The following GPR26 variants were observed in gnomAD, a reference collection of about 807,000 sequenced individuals.
GPR26 encodes the protein G protein-coupled receptor 26.
Under a neutral mutation model 23.1 loss-of-function variants are expected in GPR26, and 15 were observed. The ratio of observed to expected loss-of-function variants is 0.65; its 90% CI spans 0.43 to 1.00. The LOEUF (loss-of-function observed/expected upper bound fraction) is 1.00. Among genes scored for constraint, GPR26 ranks in the 50% least tolerant of loss-of-function variants. The probability of loss-of-function intolerance (pLI) is 0.00; values close to 1 mark genes in which losing one functional copy is unlikely to be tolerated. For missense variants in GPR26, 359 were observed against 470.5 expected (o/e 0.76, Z 2.19); for synonymous variants, 228 against 222.1 (o/e 1.03, Z -0.24).
At chr10:123,679,498 G>T (rs1845345028) in intron 2 of GPR26, among the ~76,000 whole-genome samples, 1 of 152,188 alleles carries the variant, frequency 6.6e-6, no homozygotes, top group Non-Finnish European at 1.5e-5. Flanking sequence ...CCTTGGTGTG[G>T]GGCTGGGCAT....
chr10:123,689,931 C>G lies in GPR26; in HGVS notation c.*1771C>G, dbSNP rs1302592004. On this transcript the variant is annotated 3_prime_UTR_variant, in exon 3 of 3. Coordinates refer to ENST00000284674, the MANE Select transcript of GPR26 (RefSeq NM_153442.4). ...CTTGGGGAAGCCAATGGGGCACAAT[C>G]CTTCCCAATTTCATGATCTGGGGCA... The G allele has an allele frequency of 1.1e-4, 17 of 152,112 alleles. No individual in the cohort carries two copies. The highest frequency in any genetic ancestry group is 2.2e-4 in the Non-Finnish European group (15 of 68,040). 9.4% of individuals were successfully genotyped at this position (152,112 alleles called of 1,614,324 possible). A position where few individuals can be genotyped will look rare whatever the true frequency, so the allele number is the denominator to read the frequency against.
intron 2 of GPR26, among the ~76,000 whole-genome samples, chr10:123,677,420 G>A (rs1285903382): frequency 6.6e-6 from 1 of 152,084 alleles, no homozygotes; most frequent in Non-Finnish European, 1.5e-5. Flanking sequence ...GCAGAACCCC[G>A]CCGGGCCCCA....
At chr10:123,673,303 G>A (rs1420859683) in intron 1 of GPR26, among the ~76,000 whole-genome samples, 2 of 152,182 alleles carry the variant, frequency 1.3e-5, no homozygotes, top group Non-Finnish European at 2.9e-5. Flanking sequence ...AAAATCATGA[G>A]TCTCCTGGCA....
At chr10:123,680,166 G>A (rs1463155690) in intron 2 of GPR26, among the ~76,000 whole-genome samples, 1 of 152,240 alleles carries the variant, frequency 6.6e-6, no homozygotes, top group Admixed American at 6.5e-5. Context: ...TGTGGCAGGT[G>A]TGAACCCTGT....
At position 123,674,455 on chromosome 10, in the gene GPR26, G is replaced by T. The variant is rs1845284386; in HGVS notation, c.669-363G>T. On this transcript the variant is annotated intron_variant, in intron 1 of 2. Transcript: ENST00000284674. This position sits in a 1 kb window ranked among gnomAD's most constrained non-coding sequence, Gnocchi z 4.1. ...AAGAGGTAATGTTTAATGTTTCTTT[G>T]TACTGACTTGGGCACTGTGCCGGTG... Among the ~76,000 whole-genome samples the T allele has an allele frequency of 6.6e-6, 1 of 152,204 alleles. No homozygotes were observed. The highest frequency in any genetic ancestry group is 2.1e-4 in the South Asian group (1 of 4,832).
chr10:123,696,185 T>C lies in GPR26; in HGVS notation c.*8025T>C, dbSNP rs1589935678. Among the ~76,000 whole-genome samples the C allele has an allele frequency of 6.6e-6, 1 of 152,296 alleles. No homozygotes were observed. The highest frequency in any genetic ancestry group is 1.9e-4 in the East Asian group (1 of 5,178). ...TGTGTAGTGGATGCCAGTAGACAACTTTAGCCACTCCTGTCCGTCCTTCTT... is the reference window on the plus strand; with the variant it reads ...TGTGTAGTGGATGCCAGTAGACAACCTTAGCCACTCCTGTCCGTCCTTCTT... On this transcript the variant is annotated 3_prime_UTR_variant, in exon 3 of 3. Transcript: ENST00000284674.
chr10:123,694,983 G>C lies in GPR26; in HGVS notation c.*6823G>C, dbSNP rs1248203252. Reference sequence around the variant, plus strand: ...ACATTTAATATCAATGCAGGGTCCTGATGGGCACTGCCACATACCCCCAGG... The same window carrying C: ...ACATTTAATATCAATGCAGGGTCCTCATGGGCACTGCCACATACCCCCAGG... On this transcript the variant is annotated 3_prime_UTR_variant, in exon 3 of 3. Coordinates refer to ENST00000284674, the MANE Select transcript of GPR26 (RefSeq NM_153442.4). Among the ~76,000 whole-genome samples, 1 of 152,134 alleles carries C rather than the reference G, an allele frequency of 6.6e-6. No homozygotes were observed. The highest frequency in any genetic ancestry group is 1.5e-5 in the Non-Finnish European group (1 of 68,010).
intron 1 of GPR26, among the ~76,000 whole-genome samples, chr10:123,668,615 C>T (rs1193423663): frequency 6.6e-6 from 1 of 152,240 alleles, no homozygotes; most frequent in Non-Finnish European, 1.5e-5. Flanking sequence ...GTTCAGTGTC[C>T]TTCAAGGAAA....
intron 1 of GPR26, among the ~76,000 whole-genome samples, chr10:123,673,144 A>C (rs757299403): frequency 1.2e-4 from 18 of 152,132 alleles, no homozygotes; most frequent in Non-Finnish European, 2.2e-4. Flanking sequence ...ACCAAGCCCA[A>C]CTCCAGTTCT....
chr10:123,666,481 T>C lies in GPR26; in HGVS notation c.74T>C (p.Leu25Pro). The C allele has an allele frequency of 6.4e-7, 1 of 1,561,980 alleles. No individual in the cohort carries two copies. Among genetic ancestry groups the C allele is most frequent in the Non-Finnish European group, 8.6e-7 (1 of 1,159,954 alleles). ...TMGVSLLSNA[L>P]VLLCLLHSAD... ...GGCGTCTCGCTGCTGTCCAACGCGC[T>C]GGTGCTGCTCTGCCTGCTGCACAGC... is the stretch of plus-strand genomic sequence containing the variant. Residue 25 changes from leucine (L) to proline (P), a missense_variant, in exon 1 of 3, where the codon CTG becomes CCG. By Grantham distance (98) the Leu-to-Pro change is moderately conservative (BLOSUM62 -3). Coordinates refer to ENST00000284674, the MANE Select transcript of GPR26 (RefSeq NM_153442.4).
chr10:123,668,930 T>G (rs1456194227), intron 1 of GPR26, among the ~76,000 whole-genome samples: 1 of 152,218 alleles, frequency 6.6e-6, no homozygotes, highest in Non-Finnish European at 1.5e-5. Flanking sequence ...CTATTTGGGA[T>G]GTAGGGCCAG....
In GPR26 at chr10:123,695,287, G is replaced by C. The variant is rs551947033; in HGVS notation, c.*7127G>C. 6.6e-6 allele frequency among the ~76,000 whole-genome samples: 1 copy of C among 152,166 alleles called. No individual in the cohort carries two copies. Among genetic ancestry groups the C allele is most frequent in the Non-Finnish European group, 1.5e-5 (1 of 68,038 alleles). Reference sequence around the variant, plus strand: ...ACGATGTGTACCCCTTGGGGCATGCGTGTGTTCTTAGGAACACCAGCGTGT... The same window carrying C: ...ACGATGTGTACCCCTTGGGGCATGCCTGTGTTCTTAGGAACACCAGCGTGT... On this transcript the variant is annotated 3_prime_UTR_variant, in exon 3 of 3. Coordinates refer to ENST00000284674, the MANE Select transcript of GPR26 (RefSeq NM_153442.4).
Position 123,694,169 on chromosome 10 carries a change from G to A in GPR26, c.*6009G>A, listed in dbSNP as rs762308286. The A allele has an allele frequency of 6.5e-6, 1 of 153,078 alleles. No homozygotes were observed. The highest frequency in any genetic ancestry group is 1.5e-5 in the Non-Finnish European group (1 of 68,640). The allele number at this position is 153,078 out of a possible 1,614,324, so 9.5% of individuals were successfully genotyped here. A position where few individuals can be genotyped will look rare whatever the true frequency, so the allele number is the denominator to read the frequency against. ...ACTCAGTGCTGTGGGGGTACAGAGG[G>A]AGGGCTGGAGAACTTAGCTGGTGGG... On this transcript the variant is annotated 3_prime_UTR_variant, in exon 3 of 3. Coordinates refer to ENST00000284674, the MANE Select transcript of GPR26 (RefSeq NM_153442.4).
At chr10:123,675,228 G>C (rs1564730900) in intron 2 of GPR26, among the ~76,000 whole-genome samples, 1 of 151,956 alleles carries the variant, frequency 6.6e-6, no homozygotes, top group Admixed American at 6.6e-5. Context: ...AGGCCCTAAA[G>C]AGAAGGAGAG....
At chr10:123,676,328 G>C (rs1191144342) in intron 2 of GPR26, among the ~76,000 whole-genome samples, 1 of 152,162 alleles carries the variant, frequency 6.6e-6, no homozygotes. Context: ...GACTGGAGCA[G>C]AACTATTGGT....
intron 1 of GPR26, among the ~76,000 whole-genome samples, chr10:123,671,231 C>T (rs746517685): frequency 6.6e-6 from 1 of 152,218 alleles, no homozygotes; most frequent in Non-Finnish European, 1.5e-5. Context: ...GCTGAGATCA[C>T]CTCGTTGATT....
intron 2 of GPR26, among the ~76,000 whole-genome samples, chr10:123,681,575 G>A (rs1845378588): frequency 6.6e-6 from 1 of 152,192 alleles, no homozygotes; most frequent in Admixed American, 6.5e-5. Context: ...AGCTGGGAAT[G>A]CTGGGAGCTG....
intron 1 of GPR26, among the ~76,000 whole-genome samples, chr10:123,668,709 G>T (rs975511690): frequency 6.6e-6 from 1 of 152,190 alleles, no homozygotes; most frequent in Non-Finnish European, 1.5e-5. Context: ...CATCCTTAGC[G>T]CTTGGGCTGG....
At position 123,666,778 on chromosome 10, in the gene GPR26, C is replaced by T. The variant is rs775340633; in HGVS notation, c.371C>T (p.Ala124Val). ...GCCAAGATGCGCCTCCGCGACGCGG[C>T]GCTCATGGTGGCCTACACGTGGCTG... The part of the protein sequence containing the change: ...YRAKMRLRDA[A>V]LMVAYTWLHA... The change falls in exon 1 of 3, where the codon GCG (alanine) becomes GTG (valine). Residue 124 changes from alanine to valine, a missense_variant. Physicochemically the swap from Ala to Val is moderately conservative, Grantham distance 64. Coordinates refer to ENST00000284674, the MANE Select transcript of GPR26 (RefSeq NM_153442.4). The T allele has an allele frequency of 1.7e-5, 27 of 1,604,174 alleles. No individual in the cohort carries two copies. The highest frequency in any genetic ancestry group is 2.7e-5 in the African/African-American group (2 of 74,818).
Sources: allele counts gnomAD v4.1 joint callset (sites outside exome capture counted in the v4.1 genomes callset), GRCh38; gene constraint gnomAD v4.1.1; non-coding constraint Gnocchi (gnomAD v3.1); transcripts MANE v1.5; gene names NCBI Gene and HGNC (gene_info 2026-07-23, HGNC 2026-07-21).